Variants in RAB37 observed in about 807,000 individuals in gnomAD.
RAB37 encodes the protein RAB37, member RAS oncogene family.
In RAB37, 29 loss-of-function variants were observed where a neutral mutation model predicts 33.1. That is an observed-to-expected ratio of 0.88 (90% CI 0.65 to 1.20). The LOEUF is 1.20. RAB37 is among the 50% of genes most tolerant of loss of function. The pLI is 0.00. For synonymous variants in RAB37, 128 were observed against 119.5 expected (o/e 1.07, Z -0.47); for missense variants, 299 against 301.1 (o/e 0.99, Z 0.05).
chr17:74,704,570 T>A, intron 1 of RAB37: 1 of 1,614,158 alleles, frequency 6.2e-7, no homozygotes, highest in Non-Finnish European at 8.5e-7. Flanking sequence ...TTTCATGAGA[T>A]CCTCCATGGT....
chr17:74,735,861 A>G (rs771916018), upstream of RAB37, among the ~76,000 whole-genome samples: 3 of 152,194 alleles, frequency 2.0e-5, no homozygotes, highest in Admixed American at 6.5e-5. Flanking sequence ...CCACAGGCCT[A>G]TGGTGGCCCA....
Position 74,744,142 on chromosome 17 carries a change from A to G in RAB37, c.367-166A>G, listed in dbSNP as rs2034690250. 6.6e-6 allele frequency among the ~76,000 whole-genome samples: 1 copy of G among 152,186 alleles called. No individual in the cohort carries two copies. The highest frequency in any genetic ancestry group is 1.5e-5 in the Non-Finnish European group (1 of 68,024). On this transcript the variant is annotated intron_variant, in intron 5 of 8. Coordinates refer to ENST00000392613, the MANE Select transcript of RAB37 (RefSeq NM_001006638.3). The surrounding 1 kb of genome is among the most constrained non-coding windows in gnomAD (Gnocchi z 4.2). ...GGGGCCATTGTGGGTTGAGCCACCA[A>G]GGAAGGCCATCCAGGCCTGGATGGG...
chr17:74,703,236 G>A (rs953165986), intron 1 of RAB37: 3 of 1,021,374 alleles, frequency 2.9e-6, no homozygotes, highest in African/African-American at 3.2e-5. Flanking sequence ...GCCTGGGCGG[G>A]GGTCTGGACT....
intron 2 of RAB37, among the ~76,000 whole-genome samples, chr17:74,741,809 G>C (rs1476304056): frequency 1.3e-5 from 2 of 152,168 alleles, no homozygotes; most frequent in African/African-American, 2.4e-5. Flanking sequence ...GAGAATTAGT[G>C]GGCAGCTAAA....
At chr17:74,695,299 G>C (rs201328161) in intron 1 of RAB37, 1 of 1,606,928 alleles carries the variant, frequency 6.2e-7, no homozygotes. Flanking sequence ...AGGAAGTGAC[G>C]GTCACGGGGC....
intron 5 of RAB37, 144 bp downstream of exon 5, chr17:74,743,484 G>T: frequency 1.2e-6 from 1 of 833,356 alleles, no homozygotes. Flanking sequence ...TGACTCAGAA[G>T]TCATATCTGC....
Position 74,742,453 on chromosome 17 carries a change from A to C in RAB37, c.246+158A>C, listed in dbSNP as rs531761555. On this transcript the variant is annotated intron_variant, in intron 3 of 8. Coordinates refer to ENST00000392613, the MANE Select transcript of RAB37 (RefSeq NM_001006638.3). This position sits in a 1 kb window ranked among gnomAD's most constrained non-coding sequence, Gnocchi z 4.0. ...CTTTTGTTTATTTGACATCTGCAGA[A>C]AAAGCAGTTCCCAGGCACCCTCTCA... 1.3e-5 allele frequency among the ~76,000 whole-genome samples: 2 copies of C among 152,192 alleles called. No individual in the cohort carries two copies. Among genetic ancestry groups the C allele is most frequent in the Admixed American group, 6.5e-5 (1 of 15,292 alleles).
chr17:74,744,703 C>A lies in RAB37; in HGVS notation c.433-170C>A. On this transcript the variant is annotated intron_variant, in intron 6 of 8. Coordinates refer to ENST00000392613, the MANE Select transcript of RAB37 (RefSeq NM_001006638.3). The surrounding 1 kb of genome is among the most constrained non-coding windows in gnomAD (Gnocchi z 4.2). ...AAGACCCTTTACCAAAGGTGAGATC[C>A]CAGAGCTGGGAGCTACACTGGGCAG... The A allele has an allele frequency of 1.3e-6, 1 of 755,264 alleles. No individual in the cohort carries two copies. The highest frequency in any genetic ancestry group is 1.7e-5 in the South Asian group (1 of 60,046). 46.8% of individuals were successfully genotyped at this position (755,264 alleles called of 1,614,324 possible).
chr17:74,745,369 A>G lies in RAB37; in HGVS notation c.630A>G (p.Val210=), dbSNP rs1567817615. The part of the protein sequence containing the change: ...DEPSFQIRDY[V]ESQKKRSSCC... ...CCAGCTTCCAGATCCGAGACTATGTAGAGTCCCAGAAGAAGCGCTCCAGCT... is the reference window on the plus strand; with the variant it reads ...CCAGCTTCCAGATCCGAGACTATGTGGAGTCCCAGAAGAAGCGCTCCAGCT... The change falls in exon 9 of 9, where the codon GTA becomes GTG. Residue 210 remains valine, a synonymous_variant. Coordinates refer to ENST00000392613, the MANE Select transcript of RAB37 (RefSeq NM_001006638.3). This position sits in a 1 kb window ranked among gnomAD's most constrained non-coding sequence, Gnocchi z 4.5. The G allele has an allele frequency of 6.2e-7, 1 of 1,614,154 alleles. No homozygotes were observed. The highest frequency in any genetic ancestry group is 2.2e-5 in the East Asian group (1 of 44,876).
At chr17:74,715,224 T>C (rs916950637) in intron 1 of RAB37, among the ~76,000 whole-genome samples, 15 of 152,334 alleles carry the variant, frequency 9.8e-5, no homozygotes, top group South Asian at 4.1e-4. Flanking sequence ...CTGTGACATC[T>C]TGACAAGGGA....
Position 74,676,454 on chromosome 17 carries a change from G to T in RAB37, c.72+4796G>T, listed in dbSNP as rs1446067059. On this transcript the variant is annotated intron_variant, in intron 1 of 7. Coordinates refer to the RAB37 transcript ENST00000340415. The surrounding 1 kb of genome is among the most constrained non-coding windows in gnomAD (Gnocchi z 4.1). The stretch of plus-strand genomic sequence containing the variant: ...CAAAGTATGTCCATTTCCTCCGACT[G>T]CTCTAACACCTCTTCTGGGTGAAAG... 6.6e-6 allele frequency among the ~76,000 whole-genome samples: 1 copy of T among 152,122 alleles called. No individual in the cohort carries two copies. The highest frequency in any genetic ancestry group is 1.5e-5 in the Non-Finnish European group (1 of 68,030).
In RAB37 at chr17:74,698,319, C is replaced by A. The variant is rs759502210; in HGVS notation, c.72+26661C>A. The A allele has an allele frequency of 6.9e-6, 9 of 1,311,142 alleles. No individual in the cohort carries two copies. The South Asian group carries it at 1.1e-4, about 16-fold the overall frequency. 81.2% of individuals were successfully genotyped at this position (1,311,142 alleles called of 1,614,324 possible). A position where few individuals can be genotyped will look rare whatever the true frequency, so the allele number is the denominator to read the frequency against. The stretch of plus-strand genomic sequence containing the variant: ...ACCAGATAGCTCCCAGATGCCACAT[C>A]CCCAGCCACCCGGCCCAGTCTCAGC... On this transcript the variant is annotated intron_variant, in intron 1 of 7. Transcript: ENST00000340415.
chr17:74,703,392 A>G (rs2033237364), intron 1 of RAB37, among the ~76,000 whole-genome samples: 1 of 152,060 alleles, frequency 6.6e-6, no homozygotes, highest in African/African-American at 2.4e-5. Flanking sequence ...GGCTGGGAAG[A>G]GCCTAAGGGC....
Position 74,744,901 on chromosome 17 carries a change from G to T in RAB37, c.461G>T (p.Arg154Leu), listed in dbSNP as rs149486886. ...GATATGAGCAGCGAAAGAGTGATCC[G>T]TTCCGAAGACGGAGAGACCTTGGCC... Reference protein sequence around the residue: ...KADMSSERVIRSEDGETLARE... With the variant: ...KADMSSERVILSEDGETLARE... Residue 154 changes from arginine to leucine, a missense_variant, in exon 7 of 9, where the codon CGT (arginine) becomes CTT (leucine). Transcript: ENST00000392613. This position sits in a 1 kb window ranked among gnomAD's most constrained non-coding sequence, Gnocchi z 4.2. 3 of 1,614,162 alleles carry T rather than the reference G, an allele frequency of 1.9e-6. No homozygotes were observed. In the African/African-American group the frequency reaches 4.0e-5, roughly 22 times the overall value.
chr17:74,685,555 A>G lies in RAB37; in HGVS notation c.72+13897A>G, dbSNP rs117064108. Among the ~76,000 whole-genome samples, 440 of 152,280 alleles carry G rather than the reference A, an allele frequency of 2.9e-3. 3 individuals are homozygous for G. The East Asian group carries it at 0.032, about 11-fold the overall frequency. ...CACTTTTAGTTACACTCCATTTCGTAGAAGAGAAAAGAGATCTGAGAGACA... is the reference window on the plus strand; with the variant it reads ...CACTTTTAGTTACACTCCATTTCGTGGAAGAGAAAAGAGATCTGAGAGACA... On this transcript the variant is annotated intron_variant, in intron 1 of 7. Transcript: ENST00000340415.
rs1390371593 is a variant in RAB37 at position 74,730,329 on chromosome 17, G to T, written c.183+963G>T. On this transcript the variant is annotated intron_variant, in intron 2 of 7. Coordinates refer to the RAB37 transcript ENST00000340415. This position sits in a 1 kb window ranked among gnomAD's most constrained non-coding sequence, Gnocchi z 4.4. ...TCACGCTCAGGGTCAGGACGCAGCA[G>T]TGCCACACTGATGGGAAGAGAGAGA... Among the ~76,000 whole-genome samples the T allele has an allele frequency of 6.6e-6, 1 of 152,180 alleles. No individual in the cohort carries two copies. Among genetic ancestry groups the T allele is most frequent in the East Asian group, 1.9e-4 (1 of 5,184 alleles).
chr17:74,699,397 G>A (rs759989275), intron 1 of RAB37, among the ~76,000 whole-genome samples: 8 of 152,172 alleles, frequency 5.3e-5, no homozygotes, highest in Admixed American at 2.0e-4. Flanking sequence ...ACTCAGACCC[G>A]TGAATGTGAC....
chr17:74,709,510 T>G (rs1211394669), intron 1 of RAB37, among the ~76,000 whole-genome samples: 1 of 152,204 alleles, frequency 6.6e-6, no homozygotes, highest in Non-Finnish European at 1.5e-5. Flanking sequence ...TTTGTACATT[T>G]TATTTTCCAC....
At chr17:74,716,595 G>A (rs1323262655) in intron 1 of RAB37, among the ~76,000 whole-genome samples, 5 of 152,170 alleles carry the variant, frequency 3.3e-5, no homozygotes, top group African/African-American at 4.8e-5. Flanking sequence ...GAGACGCAGA[G>A]AGCAAGTGAC....
Sources: allele counts gnomAD v4.1 joint callset (sites outside exome capture counted in the v4.1 genomes callset), GRCh38; gene constraint gnomAD v4.1.1; non-coding constraint Gnocchi (gnomAD v3.1); transcripts MANE v1.5; gene names NCBI Gene and HGNC (gene_info 2026-07-23, HGNC 2026-07-21).